PCED1B: variants seen among roughly 807,000 people sequenced by gnomAD.
PCED1B encodes PC-esterase domain containing 1B.
For synonymous variants in PCED1B, 251 were observed against 246.1 expected (o/e 1.02, Z -0.19); for missense variants, 573 against 573.9 (o/e 1.00, Z 0.02).
chr12:47,236,236 G>A lies in PCED1B; in HGVS notation c.1173G>A (p.Arg391=). ...MPFFPTPRYQ[R]PAPVVHRGFG... is the part of the protein sequence containing the mutation. ...TCTTCCCCACACCCCGTTATCAGCG[G>A]CCTGCCCCAGTGGTACATAGGGGTT... Residue 391 remains arginine, a synonymous_variant, in exon 4 of 4, where the codon CGG becomes CGA. Coordinates refer to ENST00000546455, the MANE Select transcript of PCED1B (RefSeq NM_138371.3). 1.2e-6 allele frequency: 2 copies of A among 1,614,096 alleles called. No individual in the cohort carries two copies. The highest frequency in any genetic ancestry group is 1.7e-6 in the Non-Finnish European group (2 of 1,180,012).
At chr12:47,231,278 C>T (rs1040484965) in intron 3 of PCED1B, among the ~76,000 whole-genome samples, 1 of 152,054 alleles carries the variant, frequency 6.6e-6, no homozygotes, top group Non-Finnish European at 1.5e-5. Flanking sequence ...CAAGAAATGG[C>T]CAAAGCAGAA....
chr12:47,101,401 A>G (rs942607273), intron 1 of PCED1B, among the ~76,000 whole-genome samples: 1 of 152,154 alleles, frequency 6.6e-6, no homozygotes, highest in East Asian at 1.9e-4. Flanking sequence ...CTTTTTCAGT[A>G]AAATGAATTT....
chr12:47,104,639 A>G (rs1329478915), intron 2 of PCED1B, among the ~76,000 whole-genome samples: 4 of 152,184 alleles, frequency 2.6e-5, no homozygotes, highest in Admixed American at 6.5e-5. Flanking sequence ...CCCTGGAGGG[A>G]AAAAACCCAA....
intron 1 of PCED1B, among the ~76,000 whole-genome samples, chr12:47,087,413 T>C (rs1938042152): frequency 1.3e-5 from 2 of 152,202 alleles, no homozygotes; most frequent in South Asian, 4.1e-4. Context: ...TTGCTCTGGA[T>C]TGATGCTTAA....
chr12:47,176,527 G>A (rs772082894), intron 2 of PCED1B, among the ~76,000 whole-genome samples: 6 of 152,310 alleles, frequency 3.9e-5, no homozygotes, highest in South Asian at 2.1e-4. Context: ...TGACCACGCC[G>A]CATGCCCCGT....
intron 2 of PCED1B, among the ~76,000 whole-genome samples, chr12:47,141,249 A>AGCCATC (rs200220088): frequency 2.0e-3 from 307 of 152,348 alleles, no homozygotes; most frequent in African/African-American, 7.1e-3. Flanking sequence ...AGAACTTGGT[A>AGCCATC]GCCATCCATG....
intron 2 of PCED1B, among the ~76,000 whole-genome samples, chr12:47,181,290 A>C (rs1031862235): frequency 6.6e-6 from 1 of 152,016 alleles, no homozygotes; most frequent in Non-Finnish European, 1.5e-5. Flanking sequence ...TGGCCTTAAC[A>C]GTATTTTCTT....
At chr12:47,102,750 C>CAACAT (rs561662800) in intron 1 of PCED1B, among the ~76,000 whole-genome samples, 33 of 152,008 alleles carry the variant, frequency 2.2e-4, no homozygotes, top group Admixed American at 7.9e-4. Flanking sequence ...ATTATTAACT[C>CAACAT]AACATTGAGG....
chr12:47,104,732 G>A (rs1386686507), intron 2 of PCED1B, among the ~76,000 whole-genome samples: 1 of 152,134 alleles, frequency 6.6e-6, no homozygotes, highest in Non-Finnish European at 1.5e-5. Context: ...TTGGAGGGTG[G>A]AGGTGGTAGA....
intron 2 of PCED1B, among the ~76,000 whole-genome samples, chr12:47,184,319 C>T (rs1425442858): frequency 6.6e-6 from 1 of 152,102 alleles, no homozygotes; most frequent in Non-Finnish European, 1.5e-5. Context: ...GGTAAACGAC[C>T]AGCTGGGGAA....
At chr12:47,104,773 A>T (rs1340069696) in intron 2 of PCED1B, among the ~76,000 whole-genome samples, 1 of 152,184 alleles carries the variant, frequency 6.6e-6, no homozygotes, top group African/African-American at 2.4e-5. Context: ...CGGGACCCAG[A>T]TGACCACACT....
chr12:47,166,306 C>T (rs1028093997), intron 2 of PCED1B, among the ~76,000 whole-genome samples: 3 of 152,200 alleles, frequency 2.0e-5, no homozygotes, highest in Non-Finnish European at 4.4e-5. Flanking sequence ...CGGGCAGTTT[C>T]TCTCTCTTCA....
At chr12:47,143,306 C>T (rs1335281376) in intron 2 of PCED1B, among the ~76,000 whole-genome samples, 1 of 152,046 alleles carries the variant, frequency 6.6e-6, no homozygotes, top group Non-Finnish European at 1.5e-5. Flanking sequence ...TGATCTTGTA[C>T]GTAGCCAGTC....
intron 2 of PCED1B, among the ~76,000 whole-genome samples, chr12:47,174,984 AG>A (rs1941875348): frequency 6.6e-6 from 1 of 152,234 alleles, no homozygotes; most frequent in African/African-American, 2.4e-5. Context: ...AGTAATGCTG[AG>A]TATTGTGACT....
chr12:47,172,580 A>G (rs939729577), intron 2 of PCED1B, among the ~76,000 whole-genome samples: 17 of 152,240 alleles, frequency 1.1e-4, no homozygotes, highest in African/African-American at 3.6e-4. Flanking sequence ...AATAGCATGA[A>G]TTTTGTGGCT....
intron 2 of PCED1B, among the ~76,000 whole-genome samples, chr12:47,112,785 T>C (rs902147124): frequency 6.6e-6 from 1 of 152,210 alleles, no homozygotes; most frequent in Non-Finnish European, 1.5e-5. Context: ...AATTCTTCCC[T>C]GGGCTCCAGG....
chr12:47,196,896 A>G (rs1009417560), intron 2 of PCED1B, among the ~76,000 whole-genome samples: 7 of 152,142 alleles, frequency 4.6e-5, no homozygotes, highest in Admixed American at 3.3e-4. Flanking sequence ...ACAGAAAAAT[A>G]ATAAGCTGAA....
intron 2 of PCED1B, among the ~76,000 whole-genome samples, chr12:47,182,886 A>C (rs989334316): frequency 2.0e-5 from 3 of 152,126 alleles, no homozygotes; most frequent in Non-Finnish European, 4.4e-5. Flanking sequence ...AGGACATATA[A>C]ACAAACAATA....
At chr12:47,149,478 T>C (rs984741621) in intron 2 of PCED1B, among the ~76,000 whole-genome samples, 2 of 152,250 alleles carry the variant, frequency 1.3e-5, no homozygotes, top group African/African-American at 2.4e-5. Flanking sequence ...TTTTTCAGAC[T>C]GGCTTACACA....
Sources: allele counts gnomAD v4.1 joint callset (sites outside exome capture counted in the v4.1 genomes callset), GRCh38; gene constraint gnomAD v4.1.1; transcripts MANE v1.5; gene names NCBI Gene and HGNC (gene_info 2026-07-23, HGNC 2026-07-21).